PATJ: variants seen among roughly 807,000 people sequenced by gnomAD.
PATJ encodes the protein inaD-like protein.
A neutral mutation model predicts 224.9 loss-of-function variants in PATJ; 190 were observed. That is an observed-to-expected ratio of 0.84 (90% CI 0.75 to 0.95). The LOEUF (loss-of-function observed/expected upper bound fraction) is 0.95, where lower values mean the gene tolerates loss of function less well. Ranked by LOEUF, PATJ falls within the 40% of genes least tolerant of loss-of-function variation. The probability of loss-of-function intolerance (pLI) is 0.00; values close to 1 mark genes in which losing one functional copy is unlikely to be tolerated. For synonymous variants in PATJ, 769 were observed against 820.3 expected (o/e 0.94, Z 1.07); for missense variants, 2,121 against 2,270.3 (o/e 0.93, Z 1.34).
chr1:62,019,064 G>T (rs1033955096), intron 29 of PATJ, among the ~76,000 whole-genome samples: 21 of 152,036 alleles, frequency 1.4e-4, no homozygotes, highest in African/African-American at 5.1e-4. Context: ...CCAACATGGC[G>T]AAACCCTGTC....
rs77732516 is a variant in PATJ at position 62,142,703 on chromosome 1, G to A, written c.5272-5581G>A. ...GAGGAAAACAGGAGAAATTAAACAC[G>A]GATGGTCAAAGCAGGCTTGTAGAAG... On this transcript the variant is annotated intron_variant, in intron 41 of 43. Coordinates refer to ENST00000642238, the MANE Select transcript of PATJ (RefSeq NM_001350145.3). Among the ~76,000 whole-genome samples, 452 of 152,224 alleles carry A rather than the reference G, an allele frequency of 3.0e-3. 5 individuals carry two copies. Among genetic ancestry groups the A allele is most frequent in the African/African-American group, 0.01 (436 of 41,530 alleles).
At chr1:61,764,420 ATT>A (rs59652657) in intron 3 of PATJ, among the ~76,000 whole-genome samples, 135,311 of 147,820 alleles carry the variant, frequency 0.92, 62,498 homozygotes, top group East Asian at 0.99. Flanking sequence ...CAGTTGTGGG[ATT>A]TTTTTTTTTT....
intron 27 of PATJ, among the ~76,000 whole-genome samples, chr1:61,953,108 T>A (rs571250619): frequency 1.3e-5 from 2 of 152,352 alleles, no homozygotes; most frequent in East Asian, 3.9e-4. Flanking sequence ...CAATCATTGC[T>A]ACATTGGCCA....
chr1:62,122,363 T>TAAAA (rs58555932), intron 38 of PATJ, among the ~76,000 whole-genome samples: 3 of 81,526 alleles, frequency 3.7e-5, no homozygotes, highest in African/African-American at 1.2e-4. Flanking sequence ...AGACTCCATC[T>TAAAA]AAAAAAAAAA....
chr1:61,877,642 C>T lies in PATJ; in HGVS notation c.2959+2276C>T, dbSNP rs1238368608. On this transcript the variant is annotated intron_variant, in intron 21 of 43. Coordinates refer to ENST00000642238, the MANE Select transcript of PATJ (RefSeq NM_001350145.3). ...TGCCATATGAAGACATGCGTGCTTC[C>T]CCTTCACTCTTCTGCCATGATTGTA... 2.0e-5 allele frequency among the ~76,000 whole-genome samples: 3 copies of T among 152,050 alleles called. No homozygotes were observed. In the East Asian group the frequency reaches 5.8e-4, roughly 29 times the overall value.
intron 7 of PATJ, among the ~76,000 whole-genome samples, chr1:61,779,153 G>T (rs1313693543): frequency 6.6e-6 from 1 of 152,092 alleles, no homozygotes; most frequent in African/African-American, 2.4e-5. Context: ...ATCTTTACCA[G>T]ATTTCTCCAG....
At chr1:61,840,052 TAAA>T (rs1360789520) in intron 17 of PATJ, among the ~76,000 whole-genome samples, 1 of 152,058 alleles carries the variant, frequency 6.6e-6, no homozygotes, top group African/African-American at 2.4e-5. Flanking sequence ...TAATTTTTCT[TAAA>T]AGAGGAAATG....
intron 41 of PATJ, among the ~76,000 whole-genome samples, chr1:62,138,175 G>C (rs903529609): frequency 3.3e-5 from 5 of 152,132 alleles, no homozygotes; most frequent in African/African-American, 1.2e-4. Flanking sequence ...ACCATTTGGC[G>C]ACTTAGGAAG....
intron 30 of PATJ, chr1:62,038,859 G>T (rs1265167062): frequency 2.7e-6 from 2 of 750,072 alleles, no homozygotes; most frequent in African/African-American, 1.7e-5. Context: ...CGACCTTGGA[G>T]CAGCGCATAG....
At chr1:62,073,822 T>A (rs1047821803) in intron 31 of PATJ, among the ~76,000 whole-genome samples, 2 of 151,994 alleles carry the variant, frequency 1.3e-5, no homozygotes, top group African/African-American at 4.8e-5. Context: ...AGACTCCATC[T>A]CCAAAAAAAT....
At chr1:61,883,758 A>C (rs1425147360) in intron 21 of PATJ, among the ~76,000 whole-genome samples, 1 of 1,186 alleles carries the variant, frequency 8.4e-4, no homozygotes, top group Non-Finnish European at 2.4e-3. Flanking sequence ...TCCGTCTCTT[A>C]AAAAAAAAAA....
rs1467006836 is a variant in PATJ at position 61,996,208 on chromosome 1, AC to A, written c.3867+5845del. 3.9e-5 allele frequency among the ~76,000 whole-genome samples: 6 copies of A among 152,354 alleles called. No individual in the cohort carries two copies. The East Asian group carries it at 1.2e-3, about 29-fold the overall frequency. On this transcript the variant is annotated intron_variant, in intron 28 of 43. Transcript: ENST00000642238. Reference sequence around the variant, plus strand: ...TTTTCAGGGATAAAGACATAGAGCTACAGGTAATCTCAGATCTCAGTGTCCA... The same window carrying A: ...TTTTCAGGGATAAAGACATAGAGCTAAGGTAATCTCAGATCTCAGTGTCCA...
intron 6 of PATJ, among the ~76,000 whole-genome samples, chr1:61,774,205 G>A (rs1398991826): frequency 5.9e-5 from 9 of 151,882 alleles, no homozygotes; most frequent in Admixed American, 3.3e-4. Context: ...GCTGGAGGAT[G>A]GATGATCACA....
intron 31 of PATJ, chr1:62,072,935 C>G: frequency 1.7e-6 from 1 of 586,610 alleles, no homozygotes; most frequent in Non-Finnish European, 2.1e-6. Context: ...TAGACTGAAG[C>G]CCAATTAAAT....
At chr1:61,969,579 T>G (rs1682655397) in intron 27 of PATJ, among the ~76,000 whole-genome samples, 1 of 152,240 alleles carries the variant, frequency 6.6e-6, no homozygotes, top group Admixed American at 6.5e-5. Context: ...GATTTATATT[T>G]GGTTGTTTTA....
chr1:62,117,513 A>G, intron 37 of PATJ: 1 of 784,548 alleles, frequency 1.3e-6, no homozygotes, highest in Non-Finnish European at 1.6e-6. Flanking sequence ...ATTTAAAAAA[A>G]AAAAAAGGCA....
chr1:62,023,083 A>G (rs1051158470), intron 29 of PATJ, among the ~76,000 whole-genome samples: 2 of 152,164 alleles, frequency 1.3e-5, no homozygotes, highest in African/African-American at 4.8e-5. Flanking sequence ...TGAGGTCAGG[A>G]GTTCCAGACC....
chr1:61,839,304 A>T (rs946325041), intron 17 of PATJ, among the ~76,000 whole-genome samples: 14 of 152,132 alleles, frequency 9.2e-5, no homozygotes, highest in African/African-American at 3.1e-4. Flanking sequence ...CTAAGCTACT[A>T]GATAGTATTC....
chr1:62,013,408 T>C (rs765168160), intron 28 of PATJ: 11 of 985,340 alleles, frequency 1.1e-5, no homozygotes, highest in Non-Finnish European at 1.2e-5. Context: ...ACCACTTCCA[T>C]TCAGGACTGC....
Sources: gnomAD v4.1 joint callset for allele counts (sites outside exome capture counted in the v4.1 genomes callset) on GRCh38, gnomAD v4.1.1 for gene constraint, MANE v1.5 for transcripts, NCBI Gene and HGNC (gene_info 2026-07-23, HGNC 2026-07-21) for gene names.